Variants in GALNS observed in about 807,000 individuals in gnomAD.
GALNS encodes the protein N-acetylgalactosamine-6-sulfatase.
A neutral mutation model predicts 65.9 loss-of-function variants in GALNS; 65 were observed. The ratio of observed to expected loss-of-function variants is 0.99; its 90% CI spans 0.81 to 1.21. The LOEUF (loss-of-function observed/expected upper bound fraction) is 1.21. Among genes scored for constraint, GALNS ranks in the 50% most tolerant of loss-of-function variants. The probability of loss-of-function intolerance (pLI) is 0.00; values close to 1 mark genes in which losing one functional copy is unlikely to be tolerated. For missense variants in GALNS, 776 were observed against 700.7 expected (o/e 1.11, Z -1.21); for synonymous variants, 346 against 288.9 (o/e 1.20, Z -2.00).
intron 12 of GALNS, among the ~76,000 whole-genome samples, chr16:88,820,242 C>G (rs1446347823): frequency 6.6e-6 from 1 of 152,180 alleles, no homozygotes; most frequent in Non-Finnish European, 1.5e-5. Flanking sequence ...AATTCTCCCG[C>G]CTCACCTTCT....
rs140896113 is a variant in GALNS at position 88,842,383 on chromosome 16, C to T, written c.244+323G>A. On this transcript the variant is annotated intron_variant, in intron 2 of 13. Transcript: ENST00000268695. Reference sequence around the variant, plus strand: ...CCCAGGGAGGGAGGGAGTGGGACTCCTGCTTCCCAGGTACCCTGAGACGGA... The same window carrying T: ...CCCAGGGAGGGAGGGAGTGGGACTCTTGCTTCCCAGGTACCCTGAGACGGA... 1.8e-3 allele frequency: 928 copies of T among 521,760 alleles called. 17 individuals are homozygous for T. Among genetic ancestry groups the T allele is most frequent in the South Asian group, 0.011 (516 of 47,996 alleles). The allele number at this position is 521,760 out of a possible 1,614,324, so 32.3% of individuals were successfully genotyped here. A position where few individuals can be genotyped will look rare whatever the true frequency, so the allele number is the denominator to read the frequency against.
intron 1 of GALNS, among the ~76,000 whole-genome samples, chr16:88,851,695 C>T (rs1019943955): frequency 1.3e-5 from 2 of 152,246 alleles, no homozygotes; most frequent in African/African-American, 2.4e-5. Flanking sequence ...TAACGACACA[C>T]CAGGAGATTA....
chr16:88,847,722 A>G (rs1443147637), intron 1 of GALNS, among the ~76,000 whole-genome samples: 1 of 152,272 alleles, frequency 6.6e-6, no homozygotes, highest in Non-Finnish European at 1.5e-5. Context: ...CAAAACATTA[A>G]AAGTGAACTC....
At chr16:88,834,049 G>T (rs963173844) in intron 8 of GALNS, among the ~76,000 whole-genome samples, 1 of 152,030 alleles carries the variant, frequency 6.6e-6, no homozygotes, top group Non-Finnish European at 1.5e-5. Context: ...CCTGGGAGCT[G>T]CCTGTAGCCC....
At chr16:88,817,326 C>T in intron 13 of GALNS, 10 of 985,394 alleles carry the variant, frequency 1.0e-5, no homozygotes, top group Non-Finnish European at 1.1e-5. Flanking sequence ...GTGTTTCTGG[C>T]CGATGCTGGC....
intron 3 of GALNS, among the ~76,000 whole-genome samples, chr16:88,841,418 G>T (rs927414196): frequency 2.0e-5 from 3 of 152,026 alleles, no homozygotes; most frequent in African/African-American, 7.2e-5. Context: ...GGTCTCCAGG[G>T]GTCTCTGGAA....
intron 1 of GALNS, 149 bp downstream of exon 1, chr16:88,856,609 C>CG: frequency 1.8e-6 from 1 of 561,260 alleles, no homozygotes; most frequent in Non-Finnish European, 3.3e-6. Context: ...CTCCTCCTCC[C>CG]CGCGCGGGGC....
At chr16:88,856,723 C>T (rs752837728) in intron 1 of GALNS, 35 bp downstream of exon 1, 3 of 1,149,858 alleles carry the variant, frequency 2.6e-6, no homozygotes, top group African/African-American at 3.2e-5. Flanking sequence ...CCCCGCCCCA[C>T]CCCGGCCCTG....
At chr16:88,824,274 A>C (rs961509043) in intron 11 of GALNS, among the ~76,000 whole-genome samples, 1 of 151,986 alleles carries the variant, frequency 6.6e-6, no homozygotes, top group African/African-American at 2.4e-5. Flanking sequence ...TCGTGGGAGA[A>C]AGCCTGGCGC....
intron 9 of GALNS, among the ~76,000 whole-genome samples, chr16:88,829,906 G>C (rs1349479627): frequency 2.0e-5 from 3 of 152,194 alleles, no homozygotes; most frequent in Non-Finnish European, 4.4e-5. Flanking sequence ...GGTGAGCAGG[G>C]GGTGGGGTGG....
At chr16:88,816,035 G>A (rs13332207) in intron 13 of GALNS, 646 of 985,404 alleles carry the variant, frequency 6.6e-4, no homozygotes, top group Non-Finnish European at 5.3e-4. Context: ...GGCTTCACAC[G>A]CGTGTCTGTG....
intron 4 of GALNS, chr16:88,840,579 C>T (rs1031850650): frequency 2.9e-6 from 1 of 339,642 alleles, no homozygotes; most frequent in Non-Finnish European, 5.8e-6. Flanking sequence ...GTGGTTTAGA[C>T]CAGAGCTTTC....
Position 88,848,294 on chromosome 16 carries a change from C to T in GALNS, c.121-5465G>A, listed in dbSNP as rs549621928. Among the ~76,000 whole-genome samples, 552 of 143,708 alleles carry T rather than the reference C, an allele frequency of 3.8e-3. 2 individuals are homozygous for T. Among genetic ancestry groups the T allele is most frequent in the African/African-American group, 0.015 (516 of 33,414 alleles). 94.3% of individuals were successfully genotyped at this position (143,708 alleles called of 152,430 possible). ...CTCTGAGAACACACTAAAAATGACC[C>T]GCACACTTTCACCAGCGAATTCCGT... On this transcript the variant is annotated intron_variant, in intron 1 of 13. Coordinates refer to ENST00000268695, the MANE Select transcript of GALNS (RefSeq NM_000512.5).
At chr16:88,853,404 T>G (rs998325212) in intron 1 of GALNS, among the ~76,000 whole-genome samples, 2 of 152,150 alleles carry the variant, frequency 1.3e-5, no homozygotes, top group Admixed American at 6.5e-5. Flanking sequence ...ATGGGATTAT[T>G]ATGAAGACGA....
chr16:88,815,555 C>T (rs560865382), intron 13 of GALNS: 22 of 985,350 alleles, frequency 2.2e-5, no homozygotes, highest in South Asian at 4.7e-5. Context: ...GAAAGGGAGA[C>T]TTATGCCGCT....
chr16:88,827,088 G>T (rs533558222), intron 9 of GALNS: 2 of 586,302 alleles, frequency 3.4e-6, no homozygotes, highest in Admixed American at 5.9e-5. Flanking sequence ...CTGCCTCTGT[G>T]GATCAGATGA....
Position 88,838,666 on chromosome 16 carries a change from A to G in GALNS, c.423-901T>C, listed in dbSNP as rs897958. 36,607 of 152,364 alleles carry G rather than the reference A, an allele frequency of 0.24. 4,785 individuals are homozygous for G. The highest frequency in any genetic ancestry group is 0.3 in the Middle Eastern group (88 of 294). 9.4% of individuals were successfully genotyped at this position (152,364 alleles called of 1,614,324 possible). A position where few individuals can be genotyped will look rare whatever the true frequency, so the allele number is the denominator to read the frequency against. On this transcript the variant is annotated intron_variant, in intron 4 of 13. Transcript: ENST00000268695. Reference sequence around the variant, plus strand: ...GCCAGCTGTCCGGGTTTCCTTGCGCAGCCTGTCCTGTCCTGGAACGAATCC... The same window carrying G: ...GCCAGCTGTCCGGGTTTCCTTGCGCGGCCTGTCCTGTCCTGGAACGAATCC...
At chr16:88,823,784 G>A (rs1472710275) in intron 11 of GALNS, among the ~76,000 whole-genome samples, 5 of 147,010 alleles carry the variant, frequency 3.4e-5, no homozygotes, top group Admixed American at 6.7e-5. Flanking sequence ...GGCAATGCCC[G>A]GGGACCGATG....
chr16:88,856,073 T>A, intron 1 of GALNS: 1 of 667,048 alleles, frequency 1.5e-6, no homozygotes, highest in South Asian at 1.6e-5. Flanking sequence ...GCAGGCTCAT[T>A]CCTGAGTCTC....
Sources: gnomAD v4.1 joint callset for allele counts (sites outside exome capture counted in the v4.1 genomes callset) on GRCh38, gnomAD v4.1.1 for gene constraint, MANE v1.5 for transcripts, NCBI Gene and HGNC (gene_info 2026-07-23, HGNC 2026-07-21) for gene names.